Variants in RSPH14 observed in about 807,000 individuals in gnomAD.
RSPH14 encodes radial spoke head 14 homolog, also known as rhabdoid tumor deletion region gene 1.
RSPH14 carries 20 observed loss-of-function variants against 26.7 expected under a neutral mutation model. That is an observed-to-expected ratio of 0.75 (90% CI 0.53 to 1.09). RSPH14 has a LOEUF of 1.09. Ranked by LOEUF, RSPH14 falls within the 50% of genes least tolerant of loss-of-function variation. The pLI is 0.00. For missense variants in RSPH14, 449 were observed against 457.2 expected (o/e 0.98, Z 0.16); for synonymous variants, 177 against 189.3 (o/e 0.93, Z 0.53).
At chr22:23,116,522 C>T (rs2069840766) in intron 4 of RSPH14, among the ~76,000 whole-genome samples, 1 of 152,350 alleles carries the variant, frequency 6.6e-6, no homozygotes, top group Middle Eastern at 3.4e-3. Context: ...ATGGTCTTAG[C>T]AGGACACCTG....
At chr22:23,117,066 AT>A (rs2069862549) in intron 4 of RSPH14, among the ~76,000 whole-genome samples, 2 of 152,106 alleles carry the variant, frequency 1.3e-5, no homozygotes, top group South Asian at 4.1e-4. Flanking sequence ...TCCAGTGTCC[AT>A]GTCAGGTCCC....
chr22:23,072,814 C>G (rs1011423746), intron 4 of RSPH14, among the ~76,000 whole-genome samples: 2 of 152,206 alleles, frequency 1.3e-5, no homozygotes, highest in Non-Finnish European at 2.9e-5. Context: ...TCTAGAATCT[C>G]AGGAGGAACC....
intron 4 of RSPH14, among the ~76,000 whole-genome samples, chr22:23,114,959 G>A (rs1334278216): frequency 3.3e-5 from 5 of 152,246 alleles, no homozygotes; most frequent in Admixed American, 3.3e-4. Flanking sequence ...GAAGCTGGCA[G>A]GGCTGGGGGT....
rs144385269 is a variant in RSPH14 at position 23,123,380 on chromosome 22, G to A, written c.421+10646C>T. 2.8e-4 allele frequency: 457 copies of A among 1,613,714 alleles called. 1 individual carries two copies. The highest frequency in any genetic ancestry group is 3.7e-4 in the Non-Finnish European group (434 of 1,179,950). The stretch of plus-strand genomic sequence containing the variant: ...GTAACATCCAGTTTGTCTTCGACGC[G>A]GTGACAGACGTCATCATACAGAACA... On this transcript the variant is annotated intron_variant, in intron 4 of 6. Transcript: ENST00000216036.
intron 4 of RSPH14, among the ~76,000 whole-genome samples, chr22:23,118,442 T>C (rs2069912323): frequency 6.6e-6 from 1 of 152,148 alleles, no homozygotes; most frequent in Non-Finnish European, 1.5e-5. Flanking sequence ...CAGCAGTGAA[T>C]GGTGGTGTGT....
intron 4 of RSPH14, chr22:23,123,593 A>C: frequency 1.7e-6 from 1 of 603,408 alleles, no homozygotes; most frequent in Non-Finnish European, 2.9e-6. Flanking sequence ...CTGCAAACAT[A>C]AATATTTACG....
the RSPH14 span, among the ~76,000 whole-genome samples, chr22:23,156,646 AT>A: frequency 1.3e-5 from 2 of 152,224 alleles, no homozygotes; most frequent in African/African-American, 4.8e-5. Flanking sequence ...CCAGACTCAA[AT>A]TATAAGGCAC....
At chr22:23,150,985 A>T in the RSPH14 span, among the ~76,000 whole-genome samples, 1 of 152,212 alleles carries the variant, frequency 6.6e-6, no homozygotes, top group Non-Finnish European at 1.5e-5. Flanking sequence ...CCACTGGCAG[A>T]GGGATTGTGA....
At chr22:23,062,946 T>G (rs2068124761) in intron 5 of RSPH14, among the ~76,000 whole-genome samples, 1 of 152,326 alleles carries the variant, frequency 6.6e-6, no homozygotes, top group East Asian at 1.9e-4. Flanking sequence ...AACCCTGGGT[T>G]TAGGGCAGCA....
the RSPH14 span, chr22:23,161,571 C>A: frequency 1.5e-5 from 24 of 1,601,856 alleles, no homozygotes; most frequent in African/African-American, 3.1e-4. Flanking sequence ...CTAACTGGGG[C>A]CTGCGTGGAA....
chr22:23,158,046 A>C, the RSPH14 span: 1 of 1,614,124 alleles, frequency 6.2e-7, no homozygotes, highest in Non-Finnish European at 8.5e-7. Context: ...CATACCAGGT[A>C]AGTCTGGGCT....
intron 4 of RSPH14, among the ~76,000 whole-genome samples, chr22:23,099,673 C>T (rs2069237979): frequency 6.6e-6 from 1 of 152,266 alleles, no homozygotes; most frequent in African/African-American, 2.4e-5. Context: ...GGGCCTCCCA[C>T]TTAGCCAGAG....
In RSPH14 at chr22:23,122,966, A is replaced by C. The variant is rs1468403726; in HGVS notation, c.421+11060T>G. ...GGCTTCCCCAGCAGAAGGAGGTGCCATTGCAGGGACCAGTCTTGGGCTGAG... is the reference window on the plus strand; with the variant it reads ...GGCTTCCCCAGCAGAAGGAGGTGCCCTTGCAGGGACCAGTCTTGGGCTGAG... On this transcript the variant is annotated intron_variant, in intron 4 of 6. Transcript: ENST00000216036. 6.0e-6 allele frequency: 4 copies of C among 661,410 alleles called. No homozygotes were observed. In the African/African-American group the frequency reaches 7.2e-5, roughly 12 times the overall value. 41.0% of individuals were successfully genotyped at this position (661,410 alleles called of 1,614,324 possible). A position where few individuals can be genotyped will look rare whatever the true frequency, so the allele number is the denominator to read the frequency against.
At chr22:23,153,489 G>A in the RSPH14 span, 218,271 of 869,552 alleles carry the variant, frequency 0.25, 28,308 homozygotes, top group East Asian at 0.35. Context: ...GTGGCCTCCC[G>A]CAGGTTGCTG....
At chr22:23,060,103 T>C (rs917590655) in intron 6 of RSPH14, among the ~76,000 whole-genome samples, 2 of 151,804 alleles carry the variant, frequency 1.3e-5, no homozygotes, top group Non-Finnish European at 2.9e-5. Flanking sequence ...CACTAGAGCC[T>C]GGGAGTTTGA....
At chr22:23,149,457 C>T (rs2249692), upstream of RSPH14, among the ~76,000 whole-genome samples, 36,213 of 152,112 alleles carry the variant, frequency 0.24, 4,711 homozygotes, top group East Asian at 0.35. Flanking sequence ...TTCCAAGAAA[C>T]GTGGACAGCA....
upstream of RSPH14, chr22:23,145,420 C>A: frequency 6.2e-7 from 1 of 1,610,608 alleles, no homozygotes; most frequent in Non-Finnish European, 8.5e-7. Flanking sequence ...CAGTCCAACG[C>A]AGACCCCGCC....
chr22:23,139,875 ACACAGCAAGATCT>A (rs2070559058), intron 2 of RSPH14, among the ~76,000 whole-genome samples: 1 of 152,228 alleles, frequency 6.6e-6, no homozygotes, highest in African/African-American at 2.4e-5. Flanking sequence ...AGCCTGGGCA[ACACAGCAAGATCT>A]TGTTTATAAA....
chr22:23,146,820 T>C (rs1171262437), upstream of RSPH14: 1 of 1,411,828 alleles, frequency 7.1e-7, no homozygotes, highest in Non-Finnish European at 9.3e-7. Context: ...CTTGAGGAGC[T>C]GGGAGACTGG....
Sources: gnomAD v4.1 joint callset for allele counts (sites outside exome capture counted in the v4.1 genomes callset) on GRCh38, gnomAD v4.1.1 for gene constraint, MANE v1.5 for transcripts, NCBI Gene and HGNC (gene_info 2026-07-23, HGNC 2026-07-21) for gene names.